DMD: variants seen among roughly 807,000 people sequenced by gnomAD.
The protein encoded by DMD is mutant dystrophin.
DMD carries 63 observed loss-of-function variants against 330.1 expected under a neutral mutation model. The ratio of observed to expected loss-of-function variants is 0.19; its 90% CI spans 0.16 to 0.24. The LOEUF is 0.24. Ranked by LOEUF, DMD falls within the 10% of genes least tolerant of loss-of-function variation. The probability of loss-of-function intolerance (pLI) is 1.00; values close to 1 mark genes in which losing one functional copy is unlikely to be tolerated. For missense variants in DMD, 3,344 were observed against 2,684.1 expected, an observed-to-expected ratio of 1.25 and a Z score of -5.43; for synonymous variants, 1,223 against 959.8, an observed-to-expected ratio of 1.27 and a Z score of -5.07.
chrX:32,077,429 T>C (rs2096361213), intron 44 of DMD, among the ~76,000 whole-genome samples: 1 of 111,613 alleles, frequency 9.0e-6, no homozygotes, highest in South Asian at 3.8e-4. Context: ...CTCTTTCAAT[T>C]CTCTGAAAGT....
At chrX:31,986,462 G>T (rs190538715) in intron 44 of DMD, among the ~76,000 whole-genome samples, 1 of 111,004 alleles carries the variant, frequency 9.0e-6, no homozygotes. Flanking sequence ...CACCAGGCTG[G>T]AATACAGTGG....
chrX:32,266,506 A>C (rs748283414), intron 43 of DMD, among the ~76,000 whole-genome samples: 1 of 112,408 alleles, frequency 8.9e-6, no homozygotes, highest in Non-Finnish European at 1.9e-5. Context: ...CATATTAATA[A>C]GAGAATTTTT....
intron 44 of DMD, among the ~76,000 whole-genome samples, chrX:32,135,332 GGTGT>G (rs1174513910): frequency 8.9e-6 from 1 of 112,493 alleles, no homozygotes; most frequent in Non-Finnish European, 1.9e-5. Context: ...AGTAACAAAA[GGTGT>G]GTTTGAAAAT....
intron 7 of DMD, among the ~76,000 whole-genome samples, chrX:32,730,501 G>A (rs2067449022): frequency 8.9e-6 from 1 of 112,183 alleles, no homozygotes; most frequent in Non-Finnish European, 1.9e-5. Flanking sequence ...TAGACTTAGA[G>A]AGCCATAGGA....
intron 52 of DMD, among the ~76,000 whole-genome samples, chrX:31,694,600 C>A (rs2083320458): frequency 1.2e-5 from 1 of 81,584 alleles, no homozygotes; most frequent in African/African-American, 4.8e-5. Context: ...TAGACATTCT[C>A]AAAAGATGAC....
At chrX:31,859,164 T>A (rs187237153) in intron 48 of DMD, among the ~76,000 whole-genome samples, 19 of 111,279 alleles carry the variant, frequency 1.7e-4, no homozygotes, top group African/African-American at 6.2e-4. Context: ...AGACTGCAAG[T>A]ACCTGCATAG....
At chrX:33,083,896 C>T (rs2094966509) in intron 1 of DMD, among the ~76,000 whole-genome samples, 1 of 104,955 alleles carries the variant, frequency 9.5e-6, no homozygotes, top group African/African-American at 4.0e-5. Context: ...TACAGACACC[C>T]CACAATGGGG....
At chrX:32,894,621 T>C (rs1478597301) in intron 2 of DMD, among the ~76,000 whole-genome samples, 1 of 112,741 alleles carries the variant, frequency 8.9e-6, no homozygotes, top group Non-Finnish European at 1.9e-5. Flanking sequence ...CGGGATGCAC[T>C]TGGGGCTCAG....
At chrX:32,607,112 C>T (rs756970818) in intron 12 of DMD, among the ~76,000 whole-genome samples, 17 of 109,960 alleles carry the variant, frequency 1.5e-4, no homozygotes, top group African/African-American at 5.3e-4. Flanking sequence ...ATGTAACAAA[C>T]CTGCACATGC....
chrX:33,270,692 T>C (rs1183129118), intron 1 of DMD, among the ~76,000 whole-genome samples: 2 of 112,016 alleles, frequency 1.8e-5, no homozygotes, highest in African/African-American at 6.5e-5. Flanking sequence ...GATTATCTAA[T>C]TTTATGGTCA....
intron 47 of DMD, among the ~76,000 whole-genome samples, chrX:31,913,308 A>G (rs1034337664): frequency 1.8e-5 from 2 of 112,276 alleles, no homozygotes; most frequent in African/African-American, 6.5e-5. Flanking sequence ...ATGTCGAACT[A>G]ACTATACAGG....
At chrX:31,880,171 A>G (rs187499820) in intron 47 of DMD, among the ~76,000 whole-genome samples, 1,349 of 112,484 alleles carry the variant, frequency 0.012, 22 homozygotes, top group African/African-American at 0.041. Flanking sequence ...TCATAACACA[A>G]AACATTTTAG....
chrX:31,301,663 A>G (rs2054648030), intron 62 of DMD, among the ~76,000 whole-genome samples: 1 of 112,315 alleles, frequency 8.9e-6, no homozygotes, highest in African/African-American at 3.2e-5. Flanking sequence ...GAACCAAACC[A>G]TATCAGGCAC....
intron 18 of DMD, among the ~76,000 whole-genome samples, chrX:32,502,087 A>G (rs939538308): frequency 1.8e-5 from 2 of 111,649 alleles, no homozygotes; most frequent in South Asian, 7.4e-4. Flanking sequence ...TTTTTTTTAC[A>G]TTATAGTTTC....
At chrX:32,360,995 C>T (rs945993067) in intron 37 of DMD, among the ~76,000 whole-genome samples, 1 of 110,419 alleles carries the variant, frequency 9.1e-6, no homozygotes, top group Non-Finnish European at 1.9e-5. Flanking sequence ...CTTGTATTGG[C>T]TGGGTCTGTC....
At chrX:31,698,010 C>T (rs2083555406) in intron 52 of DMD, among the ~76,000 whole-genome samples, 1 of 111,962 alleles carries the variant, frequency 8.9e-6, no homozygotes, top group Non-Finnish European at 1.9e-5. Flanking sequence ...TGAATAAAAG[C>T]ATAAAGGATC....
intron 44 of DMD, among the ~76,000 whole-genome samples, chrX:32,011,904 A>G (rs1293899): frequency 2.7e-5 from 3 of 111,017 alleles, no homozygotes; most frequent in African/African-American, 9.9e-5. Context: ...TTGTTTTTTA[A>G]CCATTTTTTC....
At chrX:32,362,740 C>G (rs1226503339) in intron 37 of DMD, 48 bp downstream of exon 37, 3 of 1,196,709 alleles carry the variant, frequency 2.5e-6, no homozygotes, top group Non-Finnish European at 3.4e-6. Flanking sequence ...GCAACCTTCG[C>G]AAGAGACCAT....
At chrX:32,629,172 T>A (rs111682275) in intron 11 of DMD, among the ~76,000 whole-genome samples, 1,928 of 111,811 alleles carry the variant, frequency 0.017, 49 homozygotes, top group African/African-American at 0.06. Context: ...CTAATAATAT[T>A]TGATTTATAC....
Sources: gnomAD v4.1 joint callset for allele counts (sites outside exome capture counted in the v4.1 genomes callset) on GRCh38, gnomAD v4.1.1 for gene constraint, MANE v1.5 for transcripts, NCBI Gene and HGNC (gene_info 2026-07-23, HGNC 2026-07-21) for gene names.